The following DYDC1 variants were observed in gnomAD, a reference collection of about 807,000 sequenced individuals.
DYDC1 encodes DPY30 domain containing 1, also known as DPY30 domain-containing protein 1.
In DYDC1, 21 loss-of-function variants were observed where a neutral mutation model predicts 27.9. The observed-to-expected ratio is 0.75, with a 90% CI of 0.53 to 1.08. The LOEUF (loss-of-function observed/expected upper bound fraction) is 1.08, where lower values mean the gene tolerates loss of function less well. DYDC1 is among the 50% of genes least tolerant of loss of function. The pLI is 0.00. For missense variants in DYDC1, 202 were observed against 205.9 expected (o/e 0.98, Z 0.12); for synonymous variants, 67 against 65.8 (o/e 1.02, Z -0.09).
Position 80,338,587 on chromosome 10 carries a change from T to C in DYDC1, c.400-16A>G, listed in dbSNP as rs181164310. 657 of 1,523,720 alleles carry C rather than the reference T, an allele frequency of 4.3e-4. 3 individuals carry two copies. In the African/African-American group the frequency reaches 8.5e-3, roughly 20 times the overall value. The allele number at this position is 1,523,720 out of a possible 1,614,324, so 94.4% of individuals were successfully genotyped here. On this transcript the variant is annotated splice_polypyrimidine_tract_variant and intron_variant, in intron 5 of 6. Transcript: ENST00000372202. ...GTGTTGCTTCCTACAATCAAAAAAT[T>C]GATTTTTACTTTTAAATGATTTCAA...
At chr10:80,337,669 C>T (rs1842178198) in intron 6 of DYDC1, among the ~76,000 whole-genome samples, 1 of 152,192 alleles carries the variant, frequency 6.6e-6, no homozygotes, top group South Asian at 2.1e-4. Flanking sequence ...CCTCTACACG[C>T]TCTCCTATCT....
chr10:80,338,269 G>A, intron 6 of DYDC1, 198 bp downstream of exon 6: 1 of 1,312,496 alleles, frequency 7.6e-7, no homozygotes, highest in Non-Finnish European at 9.7e-7. Flanking sequence ...ATAAGCCAGT[G>A]ACACACTTCA....
At chr10:80,338,436 G>T in intron 6 of DYDC1, 31 bp downstream of exon 6, 2 of 1,606,648 alleles carry the variant, frequency 1.2e-6, no homozygotes, top group South Asian at 1.1e-5. Flanking sequence ...AAACAAAAAC[G>T]AGTTTTTTCA....
chr10:80,336,305 G>A, intron 6 of DYDC1, 120 bp from the exon 7 acceptor site: 7 of 1,378,032 alleles, frequency 5.1e-6, no homozygotes, highest in Admixed American at 3.8e-5. Flanking sequence ...CTTTTTGGGA[G>A]TTTCAGATGA....
At chr10:80,339,335 C>T (rs1485374454) in intron 4 of DYDC1, among the ~76,000 whole-genome samples, 182 bp from the exon 5 acceptor site, 1 of 152,132 alleles carries the variant, frequency 6.6e-6, no homozygotes, top group African/African-American at 2.4e-5. Context: ...TTATTTAATA[C>T]TCTATACTAA....
At chr10:80,338,107 G>T in intron 6 of DYDC1, 1 of 985,394 alleles carries the variant, frequency 1.0e-6, no homozygotes, top group South Asian at 4.7e-5. Context: ...GGAGAAGCAT[G>T]CATTCTCATT....
chr10:80,353,570 G>A (rs1025075937), intron 1 of DYDC1, among the ~76,000 whole-genome samples: 9 of 151,426 alleles, frequency 5.9e-5, no homozygotes, highest in Non-Finnish European at 1.0e-4. Flanking sequence ...TTAAGAAATC[G>A]GCTGGGCACA....
rs770919480 is a variant in DYDC1 at position 80,351,913 on chromosome 10, G to A, written c.237C>T (p.Leu79=). The change falls in exon 3 of 7, where the codon CTC becomes CTT. Residue 79 remains leucine, a synonymous_variant. Coordinates refer to ENST00000372202, the MANE Select transcript of DYDC1 (RefSeq NM_001269053.2). The part of the protein sequence containing the change: ...EMMERLKAEE[L]LLQQQQLALQ... Reference sequence around the variant, plus strand: ...CTACTTGCCTCACCTGCTGAAGTAAGAGCTCCTCTGCTTTGAGCCTCTCCA... The same window carrying A: ...CTACTTGCCTCACCTGCTGAAGTAAAAGCTCCTCTGCTTTGAGCCTCTCCA... 5 of 1,614,100 alleles carry A rather than the reference G, an allele frequency of 3.1e-6. No homozygotes were observed. Among genetic ancestry groups the A allele is most frequent in the Non-Finnish European group, 8.5e-7 (1 of 1,180,020 alleles).
intron 4 of DYDC1, among the ~76,000 whole-genome samples, chr10:80,340,532 T>G (rs1484518557): frequency 1.3e-5 from 2 of 152,214 alleles, no homozygotes; most frequent in Non-Finnish European, 2.9e-5. Context: ...AGCCATAAAA[T>G]AGAGACCAAT....
At chr10:80,338,258 G>A (rs1194730343) in intron 6 of DYDC1, 6 of 985,324 alleles carry the variant, frequency 6.1e-6, no homozygotes, top group Non-Finnish European at 7.2e-6. Flanking sequence ...CGGAGATATA[G>A]ATAAGCCAGT....
intron 1 of DYDC1, among the ~76,000 whole-genome samples, chr10:80,353,290 A>T (rs1348724677): frequency 1.3e-5 from 2 of 151,908 alleles, no homozygotes; most frequent in Admixed American, 6.6e-5. Context: ...TGGCCCCAGC[A>T]CACCCTGGGC....
At chr10:80,349,710 AC>A in intron 3 of DYDC1, among the ~76,000 whole-genome samples, 1 of 152,356 alleles carries the variant, frequency 6.6e-6, no homozygotes, top group East Asian at 1.9e-4. Context: ...TTGTTAAATA[AC>A]AGTCAGATTG....
rs533632181 is a variant in DYDC1 at position 80,342,254 on chromosome 10, A to G, written c.342+15T>C. 2 of 1,610,816 alleles carry G rather than the reference A, an allele frequency of 1.2e-6. No individual in the cohort carries two copies. Among genetic ancestry groups the G allele is most frequent in the South Asian group, 2.2e-5 (2 of 90,436 alleles). On this transcript the variant is annotated intron_variant, in intron 4 of 6. Coordinates refer to ENST00000372202, the MANE Select transcript of DYDC1 (RefSeq NM_001269053.2). Reference sequence around the variant, plus strand: ...AGTTTTAAATAAAACTGACATTTATAAAACTTCAAATTACCTTGCCTAATT... The same window carrying G: ...AGTTTTAAATAAAACTGACATTTATGAAACTTCAAATTACCTTGCCTAATT...
At chr10:80,339,858 C>A (rs921340740) in intron 4 of DYDC1, among the ~76,000 whole-genome samples, 1 of 152,204 alleles carries the variant, frequency 6.6e-6, no homozygotes, top group Non-Finnish European at 1.5e-5. Context: ...CCCAAGACCA[C>A]TCCATTTTCC....
chr10:80,347,109 T>G (rs1842690150), intron 3 of DYDC1, among the ~76,000 whole-genome samples: 1 of 151,754 alleles, frequency 6.6e-6, no homozygotes, highest in African/African-American at 2.4e-5. Context: ...GCAGCCATCC[T>G]AATAGGGGCG....
chr10:80,340,262 A>G (rs1285827673), intron 4 of DYDC1, among the ~76,000 whole-genome samples: 2 of 152,210 alleles, frequency 1.3e-5, no homozygotes, highest in African/African-American at 4.8e-5. Context: ...CCTTCAACCC[A>G]GAATCCTTCT....
At chr10:80,348,458 T>C (rs915452290) in intron 3 of DYDC1, among the ~76,000 whole-genome samples, 32 of 152,238 alleles carry the variant, frequency 2.1e-4, no homozygotes, top group African/African-American at 4.8e-5. Context: ...ACAGCTCATG[T>C]TGTTTGAATC....
intron 2 of DYDC1, among the ~76,000 whole-genome samples, chr10:80,352,237 T>C (rs1033217755): frequency 6.6e-6 from 1 of 152,154 alleles, no homozygotes; most frequent in Non-Finnish European, 1.5e-5. Flanking sequence ...TATAAATCTA[T>C]AGAAAAAAGA....
intron 2 of DYDC1, 77 bp downstream of exon 2, chr10:80,352,378 T>C: frequency 7.1e-7 from 1 of 1,406,680 alleles, no homozygotes; most frequent in Non-Finnish European, 9.3e-7. Context: ...AAAATAATAA[T>C]GTTAAACTTT....
Sources: allele counts gnomAD v4.1 joint callset (sites outside exome capture counted in the v4.1 genomes callset), GRCh38; gene constraint gnomAD v4.1.1; transcripts MANE v1.5; gene names NCBI Gene and HGNC (gene_info 2026-07-23, HGNC 2026-07-21).